The following TRPM3 variants were observed in gnomAD, a reference collection of about 807,000 sequenced individuals.
The protein encoded by TRPM3 is transient receptor potential cation channel subfamily M member 3.
A neutral mutation model predicts 181.2 loss-of-function variants in TRPM3; 77 were observed. The ratio of observed to expected loss-of-function variants is 0.42; its 90% CI spans 0.35 to 0.51. The LOEUF (loss-of-function observed/expected upper bound fraction) is 0.51, where lower values mean the gene tolerates loss of function less well. Among genes scored for constraint, TRPM3 ranks in the 20% least tolerant of loss-of-function variants. The pLI, the probability that TRPM3 is intolerant of heterozygous loss-of-function variation, is 0.01. For missense variants in TRPM3, 1,759 were observed against 2,196.7 expected, an observed-to-expected ratio of 0.80 and a Z score of 3.98; for synonymous variants, 745 against 796.4, an observed-to-expected ratio of 0.94 and a Z score of 1.09.
intron 1 of TRPM3, among the ~76,000 whole-genome samples, chr9:71,307,009 G>A (rs2132369563): frequency 6.6e-6 from 1 of 152,300 alleles, no homozygotes; most frequent in African/African-American, 2.4e-5. Context: ...TTACTCACTA[G>A]TTTGCTTCCA....
At position 70,552,667 on chromosome 9, in the gene TRPM3, C is replaced by T. The variant is rs565968560; in HGVS notation, c.3574+177G>A. Reference sequence around the variant, plus strand: ...TCAGCCTCTACCATCTTCTTTCTGACATTATTTCTCATTCAAGTCAACTCC... The same window carrying T: ...TCAGCCTCTACCATCTTCTTTCTGATATTATTTCTCATTCAAGTCAACTCC... On this transcript the variant is annotated intron_variant, in intron 24 of 25. Coordinates refer to ENST00000677713, the MANE Select transcript of TRPM3 (RefSeq NM_001366145.2). 5.9e-5 allele frequency among the ~76,000 whole-genome samples: 9 copies of T among 152,288 alleles called. No homozygotes were observed. The East Asian group carries it at 1.5e-3, about 26-fold the overall frequency.
intron 1 of TRPM3, among the ~76,000 whole-genome samples, chr9:71,309,006 A>C (rs1283554010): frequency 6.6e-6 from 1 of 152,176 alleles, no homozygotes; most frequent in Non-Finnish European, 1.5e-5. Flanking sequence ...TCTGGTCAAT[A>C]TTTAGAGGTG....
In TRPM3 at chr9:71,000,517, G is replaced by A. The variant is rs545811167; in HGVS notation, c.177+120661C>T. Among the ~76,000 whole-genome samples, 15 of 152,174 alleles carry A rather than the reference G, an allele frequency of 9.9e-5. 1 individual carries two copies. Among genetic ancestry groups the A allele is most frequent in the South Asian group, 2.1e-4 (1 of 4,828 alleles). ...AACAACAAAAATCAATCTTTCTTAA[G>A]TTGGGGTCTGGAGAAATTTAGATTT... On this transcript the variant is annotated intron_variant, in intron 1 of 25. Transcript: ENST00000677713.
At chr9:71,029,334 G>A (rs1055228904) in intron 1 of TRPM3, among the ~76,000 whole-genome samples, 1 of 152,088 alleles carries the variant, frequency 6.6e-6, no homozygotes, top group Non-Finnish European at 1.5e-5. Flanking sequence ...CATGAAGAGA[G>A]AATAAAAGAT....
At chr9:70,538,602 A>T (rs953371219) in intron 25 of TRPM3, among the ~76,000 whole-genome samples, 1 of 145,640 alleles carries the variant, frequency 6.9e-6, no homozygotes, top group Non-Finnish European at 1.5e-5. Flanking sequence ...TGTTTTTTAA[A>T]TTTTTTGTAG....
In TRPM3 at chr9:70,625,624, T is replaced by C. The variant is rs1248721364; in HGVS notation, c.1633-107A>G. ...TCAGCTGGGGAGAAAAAAACACCAG[T>C]GTAGAAGAAAGAAACACAAGGCTAG... On this transcript the variant is annotated intron_variant, in intron 12 of 25. Transcript: ENST00000677713. This position sits in a 1 kb window ranked among gnomAD's most constrained non-coding sequence, Gnocchi z 4.8. 3 of 1,155,412 alleles carry C rather than the reference T, an allele frequency of 2.6e-6. No individual in the cohort carries two copies. Among genetic ancestry groups the C allele is most frequent in the Admixed American group, 2.2e-5 (1 of 45,550 alleles). The allele number at this position is 1,155,412 out of a possible 1,614,324, so 71.6% of individuals were successfully genotyped here. A position where few individuals can be genotyped will look rare whatever the true frequency, so the allele number is the denominator to read the frequency against.
At chr9:70,558,331 G>C (rs922571067) in intron 22 of TRPM3, among the ~76,000 whole-genome samples, 1 of 152,074 alleles carries the variant, frequency 6.6e-6, no homozygotes, top group Non-Finnish European at 1.5e-5. Context: ...AATTAGTCTT[G>C]ACTGATACAA....
At chr9:70,968,798 T>G (rs574103228) in intron 1 of TRPM3, among the ~76,000 whole-genome samples, 4 of 152,152 alleles carry the variant, frequency 2.6e-5, no homozygotes, top group African/African-American at 7.2e-5. Context: ...TTGGGAAAAC[T>G]GGCTAGCCAT....
At chr9:71,358,465 C>G (rs527609340) in intron 1 of TRPM3, among the ~76,000 whole-genome samples, 1 of 152,236 alleles carries the variant, frequency 6.6e-6, no homozygotes, top group Admixed American at 6.5e-5. Context: ...CTAAGGGAGT[C>G]TACCCTATTG....
intron 1 of TRPM3, among the ~76,000 whole-genome samples, chr9:71,013,132 C>A (rs561653050): frequency 6.6e-6 from 1 of 152,126 alleles, no homozygotes; most frequent in South Asian, 2.1e-4. Flanking sequence ...TCATTAATTC[C>A]TATTTTGTTG....
At position 70,598,634 on chromosome 9, in the gene TRPM3, C is replaced by T. The variant is rs1281473138; in HGVS notation, c.2833G>A (p.Val945Met). Reference sequence around the variant, plus strand: ...CAGTACTCCTGCAGCCATACCTTCACTTTCTGTAGCAACTTCCCTGGCTCT... The same window carrying T: ...CAGTACTCCTGCAGCCATACCTTCATTTTCTGTAGCAACTTCCCTGGCTCT... The part of the protein sequence containing the change: ...MSEPGKLLQK[V>M]KVWLQEYWNV... The change falls in exon 21 of 26, where the codon GTG becomes ATG. Residue 945 changes from valine to methionine, a missense_variant. Transcript: ENST00000677713. 9 of 1,613,970 alleles carry T rather than the reference C, an allele frequency of 5.6e-6. No individual in the cohort carries two copies. Among genetic ancestry groups the T allele is most frequent in the Admixed American group, 1.7e-5 (1 of 60,000 alleles).
chr9:71,403,292 C>T (rs558196865), intron 1 of TRPM3, among the ~76,000 whole-genome samples: 42 of 152,242 alleles, frequency 2.8e-4, no homozygotes, highest in Non-Finnish European at 4.3e-4. Context: ...CCATATGGAC[C>T]TCAAAGCCTA....
chr9:71,022,273 G>A (rs768137341), intron 1 of TRPM3, among the ~76,000 whole-genome samples: 3 of 152,184 alleles, frequency 2.0e-5, no homozygotes, highest in Non-Finnish European at 4.4e-5. Context: ...TGACAAAGGT[G>A]CAAAAGCAAT....
At chr9:71,181,653 T>C (rs1479311294) in intron 1 of TRPM3, among the ~76,000 whole-genome samples, 1 of 152,092 alleles carries the variant, frequency 6.6e-6, no homozygotes, top group African/African-American at 2.4e-5. Context: ...ACAGATGAAG[T>C]TTTTCTCTTT....
chr9:70,946,432 G>GGTA (rs2096933320), intron 1 of TRPM3, among the ~76,000 whole-genome samples: 1 of 106,884 alleles, frequency 9.4e-6, no homozygotes, highest in Non-Finnish European at 1.9e-5. Flanking sequence ...TCTGTTAAAT[G>GGTA]GTAATAATAA....
chr9:71,373,037 G>A (rs1046952120), intron 1 of TRPM3, among the ~76,000 whole-genome samples: 1 of 152,100 alleles, frequency 6.6e-6, no homozygotes, highest in Non-Finnish European at 1.5e-5. Flanking sequence ...GGTAAACAAG[G>A]AAATTAAGGC....
intron 1 of TRPM3, among the ~76,000 whole-genome samples, chr9:70,882,991 T>C (rs1184310949): frequency 1.3e-5 from 2 of 152,216 alleles, no homozygotes; most frequent in African/African-American, 4.8e-5. Flanking sequence ...AAAAACAACA[T>C]TCTGAACATA....
At chr9:71,336,789 A>G (rs1400617005) in intron 1 of TRPM3, among the ~76,000 whole-genome samples, 1 of 152,214 alleles carries the variant, frequency 6.6e-6, no homozygotes, top group East Asian at 1.9e-4. Context: ...AGGCCTCAGA[A>G]ATAACACCAT....
chr9:71,125,474 C>T (rs184914820), upstream of TRPM3, among the ~76,000 whole-genome samples: 2 of 152,240 alleles, frequency 1.3e-5, no homozygotes, highest in East Asian at 1.9e-4. Flanking sequence ...TGTGTCAGTT[C>T]GCTGAGGATA....
Sources: gnomAD v4.1 joint callset for allele counts (sites outside exome capture counted in the v4.1 genomes callset) on GRCh38, gnomAD v4.1.1 for gene constraint, Gnocchi (gnomAD v3.1) non-coding constraint, MANE v1.5 for transcripts, NCBI Gene and HGNC (gene_info 2026-07-23, HGNC 2026-07-21) for gene names.